Variants in PAPPA observed in about 807,000 individuals in gnomAD.
PAPPA encodes pappalysin-1.
A neutral mutation model predicts 164.0 loss-of-function variants in PAPPA; 60 were observed. The ratio of observed to expected loss-of-function variants is 0.37; its 90% confidence interval spans 0.30 to 0.45. The LOEUF is 0.45. PAPPA is among the 20% of genes least tolerant of loss of function. The pLI is 1.00. For missense variants in PAPPA, 1,782 were observed against 2,087.3 expected (o/e 0.85, Z 2.85); for synonymous variants, 875 against 814.1 (o/e 1.07, Z -1.27).
At chr9:116,248,272 G>T (rs769331615) in intron 7 of PAPPA, among the ~76,000 whole-genome samples, 3 of 152,152 alleles carry the variant, frequency 2.0e-5, no homozygotes, top group Non-Finnish European at 4.4e-5. Context: ...CCATGTGCTG[G>T]CCCTGGATCA....
intron 17 of PAPPA, among the ~76,000 whole-genome samples, chr9:116,360,550 T>C (rs1421288256): frequency 1.3e-5 from 2 of 152,228 alleles, no homozygotes; most frequent in Non-Finnish European, 2.9e-5. Flanking sequence ...AAGGAGTTTA[T>C]TCATTTTCTC....
intron 10 of PAPPA, among the ~76,000 whole-genome samples, chr9:116,311,931 G>C (rs959670974): frequency 5.3e-5 from 8 of 152,334 alleles, no homozygotes; most frequent in Admixed American, 2.6e-4. Context: ...AAGGTGCCAC[G>C]TGGAACGGTG....
chr9:116,154,157 G>A lies in PAPPA; in HGVS notation c.-16G>A. ...GCGGTGCAGGGGCGAAGGGGGGGCGGGGGGAACCGTCGGACATGCGGCTCT... is the reference window on the plus strand; with the variant it reads ...GCGGTGCAGGGGCGAAGGGGGGGCGAGGGGAACCGTCGGACATGCGGCTCT... On this transcript the variant is annotated 5_prime_UTR_variant, in exon 1 of 22. Coordinates refer to ENST00000328252, the MANE Select transcript of PAPPA (RefSeq NM_002581.5). This position sits in a 1 kb window ranked among gnomAD's most constrained non-coding sequence, Gnocchi z 5.2. The A allele has an allele frequency of 2.8e-6, 4 of 1,448,110 alleles. No individual in the cohort carries two copies. The highest frequency in any genetic ancestry group is 3.7e-6 in the Non-Finnish European group (4 of 1,092,886). 89.7% of individuals were successfully genotyped at this position (1,448,110 alleles called of 1,614,324 possible).
chr9:116,285,124 CTTTTCTTTTTCTTTTTTCTTTCT>C (rs1845316918), intron 9 of PAPPA, among the ~76,000 whole-genome samples: 1 of 142,138 alleles, frequency 7.0e-6, no homozygotes, highest in African/African-American at 2.6e-5. Context: ...ATTTGCTTTT[CTTTTCTTTTTCTTTTTTCTTTCT>C]TTTTCTTTTT....
intron 19 of PAPPA, among the ~76,000 whole-genome samples, 169 bp downstream of exon 19, chr9:116,367,923 G>C (rs917166626): frequency 2.0e-5 from 3 of 152,186 alleles, no homozygotes; most frequent in African/African-American, 4.8e-5. Flanking sequence ...GTAGAGTCGG[G>C]AGGAGACTTA....
At chr9:116,165,258 A>T (rs10983072) in intron 1 of PAPPA, among the ~76,000 whole-genome samples, 11 of 152,002 alleles carry the variant, frequency 7.2e-5, no homozygotes, top group African/African-American at 2.2e-4. Flanking sequence ...TACTAATGGT[A>T]GTTATTTGTC....
intron 6 of PAPPA, among the ~76,000 whole-genome samples, chr9:116,228,408 C>T (rs895377757): frequency 2.0e-5 from 3 of 152,094 alleles, no homozygotes; most frequent in African/African-American, 7.2e-5. Flanking sequence ...ACTATTACAC[C>T]AGTGCATCAG....
intron 7 of PAPPA, among the ~76,000 whole-genome samples, chr9:116,258,157 C>G (rs1844954301): frequency 6.6e-6 from 1 of 151,990 alleles, no homozygotes; most frequent in Non-Finnish European, 1.5e-5. Context: ...CCTTTCTCCT[C>G]AAATACACTG....
chr9:116,334,890 C>T lies in PAPPA; in HGVS notation c.3427C>T (p.Pro1143Ser), dbSNP rs1406023774. 6.2e-7 allele frequency: 1 copy of T among 1,613,980 alleles called. No individual in the cohort carries two copies. Among genetic ancestry groups the T allele is most frequent in the Admixed American group, 1.7e-5 (1 of 60,020 alleles). Residue 1143 changes from proline to serine, a missense_variant, in exon 13 of 22, where the codon CCC (proline) becomes TCC (serine). Pro to Ser is a moderately conservative substitution (Grantham distance 74). Around this residue, in one of 2 missense-constraint regions of PAPPA, gnomAD observed 1,324 missense variants for 1,656.9 expected, o/e 0.80. Transcript: ENST00000328252. ...GLHVLSCRNN[P>S]LIIPVVHDLS... ...CCATGTCCTGAGCTGCAGGAACAAT[C>T]CCCTGATTATCCCTGTGGTCCATGA...
chr9:116,376,815 T>A (rs1846659666), intron 19 of PAPPA, among the ~76,000 whole-genome samples: 1 of 152,066 alleles, frequency 6.6e-6, no homozygotes, highest in Non-Finnish European at 1.5e-5. Context: ...CAAGAACGAA[T>A]TCACTGTGGG....
chr9:116,335,066 C>G lies in PAPPA; in HGVS notation c.3603C>G (p.Ala1201=), dbSNP rs751536851. ...SCQRGETYSP[A]EQSCVHFACE... ...AGAGAGGGGAGACCTACAGCCCTGC[C>G]GAGCAGAGGTAAGGGATCCGCGGCA... is the stretch of plus-strand genomic sequence containing the variant. The change falls in exon 13 of 22, where the codon GCC becomes GCG. Residue 1201 remains alanine, a synonymous_variant. Transcript: ENST00000328252. 1 of 1,612,620 alleles carries G rather than the reference C, an allele frequency of 6.2e-7. No homozygotes were observed. The highest frequency in any genetic ancestry group is 8.5e-7 in the Non-Finnish European group (1 of 1,179,694).
intron 2 of PAPPA, among the ~76,000 whole-genome samples, chr9:116,202,919 T>A (rs1479184846): frequency 6.6e-6 from 1 of 152,192 alleles, no homozygotes; most frequent in African/African-American, 2.4e-5. Flanking sequence ...CATCATTTTC[T>A]TACAAATTTA....
rs1266686134 is a variant in PAPPA, at chr9:116,353,695, C to G, written c.4249C>G (p.Pro1417Ala). The stretch of plus-strand genomic sequence containing the variant: ...AGCTTGTGTTCCTGTGACCTGTGAC[C>G]CACCTCCACCAAAATTCCATGGGCT... ...EGACVPVTCD[P>A]PPPKFHGLYQ... Residue 1417 changes from proline (P) to alanine (A), a missense_variant, in exon 17 of 22, where the codon CCA (proline) becomes GCA (alanine). This residue lies in a region of PAPPA where 1,324 missense variants were observed against 1,656.9 expected (regional missense o/e 0.80). Transcript: ENST00000328252. The G allele has an allele frequency of 6.2e-7, 1 of 1,614,046 alleles. No homozygotes were observed. Among genetic ancestry groups the G allele is most frequent in the Non-Finnish European group, 8.5e-7 (1 of 1,179,956 alleles).
chr9:116,286,987 C>G (rs1464266730), intron 9 of PAPPA: 1 of 152,168 alleles, frequency 6.6e-6, no homozygotes, highest in East Asian at 1.9e-4. Context: ...GGCCCCTGAG[C>G]CCCCAAGTAG....
At position 116,187,500 on chromosome 9, in the gene PAPPA, G is replaced by A. The variant is rs760632015; in HGVS notation, c.762G>A (p.Glu254=). The change falls in exon 2 of 22, where the codon GAG becomes GAA. Residue 254 remains glutamate (E), a synonymous_variant. Transcript: ENST00000328252. This position sits in a 1 kb window ranked among gnomAD's most constrained non-coding sequence, Gnocchi z 4.2. ...ALNHNYRGYI[E]HFSLWKVART... ...ATCACAACTACCGGGGCTACATCGA[G>A]CACTTCAGTCTGTGGAAGGTGGCCA... The A allele has an allele frequency of 6.9e-5, 112 of 1,614,150 alleles. No individual in the cohort carries two copies. The East Asian group carries it at 2.5e-3, about 35-fold the overall frequency.
At chr9:116,225,356 G>T (rs1260144423) in intron 5 of PAPPA, among the ~76,000 whole-genome samples, 1 of 152,192 alleles carries the variant, frequency 6.6e-6, no homozygotes, top group African/African-American at 2.4e-5. Flanking sequence ...GCTACTCCAA[G>T]AGTAACTCAT....
Position 116,350,563 on chromosome 9 carries a change from C to T in PAPPA, c.3965-2143C>T, listed in dbSNP as rs535737893. Among the ~76,000 whole-genome samples the T allele has an allele frequency of 1.8e-3, 278 of 152,260 alleles. 2 individuals carry two copies. The highest frequency in any genetic ancestry group is 6.1e-3 in the African/African-American group (253 of 41,544). On this transcript the variant is annotated intron_variant, in intron 15 of 21. Transcript: ENST00000328252. The stretch of plus-strand genomic sequence containing the variant: ...TATGTTCTCTTGTCACAGAAAACCA[C>T]GACTTTCACTTCATAATTTACCATA...
At chr9:116,216,710 G>T (rs983745921) in intron 4 of PAPPA, among the ~76,000 whole-genome samples, 1 of 152,124 alleles carries the variant, frequency 6.6e-6, no homozygotes, top group African/African-American at 2.4e-5. Flanking sequence ...TCCAAGTAAT[G>T]TACCTTGGGA....
At chr9:116,361,276 G>C (rs1429241301) in intron 17 of PAPPA, among the ~76,000 whole-genome samples, 3 of 152,184 alleles carry the variant, frequency 2.0e-5, no homozygotes, top group African/African-American at 7.2e-5. Context: ...CTTATTATAA[G>C]CCTGAAAGGG....
Sources: gnomAD v4.1 joint callset for allele counts (sites outside exome capture counted in the v4.1 genomes callset) on GRCh38, gnomAD v4.1.1 for gene constraint, gnomAD v4.1.1 regional missense constraint, Gnocchi (gnomAD v3.1) non-coding constraint, MANE v1.5 for transcripts, NCBI Gene and HGNC (gene_info 2026-07-23, HGNC 2026-07-21) for gene names.